The following SUCLG2 variants were observed in gnomAD, a reference collection of about 807,000 sequenced individuals.
SUCLG2 encodes the protein succinate-CoA ligase GDP-forming subunit beta.
SUCLG2 carries 42 observed loss-of-function variants against 47.9 expected under a neutral mutation model. The observed-to-expected ratio is 0.88, with a 90% CI of 0.69 to 1.14. The LOEUF is 1.14. SUCLG2 is among the 50% of genes most tolerant of loss of function. The pLI is 0.00. For missense variants in SUCLG2, 571 were observed against 525.9 expected, an observed-to-expected ratio of 1.09 and a Z score of -0.84; for synonymous variants, 195 against 197.3, an observed-to-expected ratio of 0.99 and a Z score of 0.10.
chr3:67,525,882 C>T (rs757590767), intron 4 of SUCLG2, among the ~76,000 whole-genome samples: 1 of 152,184 alleles, frequency 6.6e-6, no homozygotes, highest in Non-Finnish European at 1.5e-5. Flanking sequence ...TTACAAAGCA[C>T]ATATCCAACA....
At chr3:67,628,050 T>C (rs1298581063) in intron 1 of SUCLG2, among the ~76,000 whole-genome samples, 1 of 152,196 alleles carries the variant, frequency 6.6e-6, no homozygotes, top group Admixed American at 6.5e-5. Context: ...CAATTCTCTA[T>C]GTTAAATTTT....
At chr3:67,654,409 G>A in intron 1 of SUCLG2, 94 bp downstream of exon 1, 5 of 1,042,628 alleles carry the variant, frequency 4.8e-6, no homozygotes, top group Non-Finnish European at 4.9e-6. Context: ...GCCGCGCAGG[G>A]GGTCAGGCGG....
At chr3:67,535,958 T>A (rs1205427129) in intron 2 of SUCLG2, among the ~76,000 whole-genome samples, 1 of 152,208 alleles carries the variant, frequency 6.6e-6, no homozygotes, top group African/African-American at 2.4e-5. Context: ...AGCTATAACA[T>A]CTGACAGCAG....
At chr3:67,612,689 T>A (rs1420249954) in intron 1 of SUCLG2, among the ~76,000 whole-genome samples, 1 of 152,184 alleles carries the variant, frequency 6.6e-6, no homozygotes, top group Admixed American at 6.5e-5. Context: ...GGCACTTCCT[T>A]ACTTCAGCTG....
intron 1 of SUCLG2, among the ~76,000 whole-genome samples, chr3:67,618,803 C>A (rs1700677440): frequency 6.6e-6 from 1 of 152,094 alleles, no homozygotes. Context: ...CGATATGGTA[C>A]CTGAAAAGCC....
At chr3:67,563,973 AAAAAAGAAAAAAG>A (rs1272155285) in intron 2 of SUCLG2, among the ~76,000 whole-genome samples, 4 of 104,008 alleles carry the variant, frequency 3.8e-5, no homozygotes, top group African/African-American at 1.3e-4. Flanking sequence ...AAAAAAAAAA[AAAAAAGAAAAAAG>A]AAAAAGAAAA....
chr3:67,380,322 T>A (rs1054071571), intron 10 of SUCLG2, among the ~76,000 whole-genome samples: 2 of 152,020 alleles, frequency 1.3e-5, no homozygotes, highest in Non-Finnish European at 2.9e-5. Context: ...CAGCTTCAAG[T>A]GCCCCAGTCA....
rs370372030 is a variant in SUCLG2, at chr3:67,639,540, C to T, written c.84+14963G>A. On this transcript the variant is annotated intron_variant, in intron 1 of 10. Transcript: ENST00000307227. ...GCACTCTTACTCCCAAGAGCAGCCC[C>T]GGCAGGTCTTTGTCTTAAGATGCTG... 1.1e-4 allele frequency among the ~76,000 whole-genome samples: 17 copies of T among 150,246 alleles called. No individual in the cohort carries two copies. The South Asian group carries it at 2.3e-3, about 20-fold the overall frequency.
At chr3:67,405,536 A>C (rs1702784022) in intron 9 of SUCLG2, among the ~76,000 whole-genome samples, 1 of 152,170 alleles carries the variant, frequency 6.6e-6, no homozygotes. Flanking sequence ...ATAGTAGTTA[A>C]GTCCCATGGC....
chr3:67,464,368 T>G (rs1704418197), intron 9 of SUCLG2, among the ~76,000 whole-genome samples: 1 of 152,242 alleles, frequency 6.6e-6, no homozygotes. Context: ...GCATCCTTCC[T>G]GGGAATAGCG....
chr3:67,548,725 GA>G (rs765233294), intron 2 of SUCLG2, among the ~76,000 whole-genome samples: 2 of 152,126 alleles, frequency 1.3e-5, no homozygotes, highest in Non-Finnish European at 2.9e-5. Flanking sequence ...TAGGACAAAT[GA>G]GCGAAAATAT....
chr3:67,389,315 TGCAACA>T (rs1702327644), intron 10 of SUCLG2, among the ~76,000 whole-genome samples: 1 of 152,078 alleles, frequency 6.6e-6, no homozygotes, highest in Admixed American at 6.6e-5. Flanking sequence ...GAGATGAAGC[TGCAACA>T]CTGGAGAGAG....
rs562992631 is a variant in SUCLG2 at position 67,648,844 on chromosome 3, T to C, written c.84+5659A>G. ...CTCCCTTCTCTGTGCACCCTACTCA[T>C]TGACTGAGACCACAAATGCTTACTG... On this transcript the variant is annotated intron_variant, in intron 1 of 10. Transcript: ENST00000307227. Among the ~76,000 whole-genome samples the C allele has an allele frequency of 2.7e-3, 418 of 152,244 alleles. 2 individuals are homozygous for C. Among genetic ancestry groups the C allele is most frequent in the African/African-American group, 9.7e-3 (403 of 41,532 alleles).
At chr3:67,448,809 G>C (rs906340494) in intron 9 of SUCLG2, among the ~76,000 whole-genome samples, 1 of 152,060 alleles carries the variant, frequency 6.6e-6, no homozygotes, top group African/African-American at 2.4e-5. Context: ...CACTATTTCT[G>C]AATCAAGTGT....
At chr3:67,654,261 ACT>A (rs1701342031) in intron 1 of SUCLG2, among the ~76,000 whole-genome samples, 3 of 151,920 alleles carry the variant, frequency 2.0e-5, no homozygotes, top group Admixed American at 2.0e-4. Flanking sequence ...GACAGCGGAG[ACT>A]CTAGTGCGTT....
intron 1 of SUCLG2, among the ~76,000 whole-genome samples, chr3:67,627,114 A>G (rs1700846127): frequency 6.6e-6 from 1 of 152,044 alleles, no homozygotes. Flanking sequence ...TCATGGTCAA[A>G]TATCTGGGAA....
intron 2 of SUCLG2, among the ~76,000 whole-genome samples, chr3:67,589,241 A>G (rs895851781): frequency 2.6e-5 from 4 of 152,120 alleles, no homozygotes; most frequent in Non-Finnish European, 5.9e-5. Context: ...TTCCATCACT[A>G]TCTCACTACC....
chr3:67,389,181 A>G (rs891797124), intron 10 of SUCLG2, among the ~76,000 whole-genome samples: 2 of 152,132 alleles, frequency 1.3e-5, no homozygotes, highest in African/African-American at 4.8e-5. Flanking sequence ...GCAGAGAGAA[A>G]AGGAGATGAG....
intron 1 of SUCLG2, among the ~76,000 whole-genome samples, chr3:67,616,584 A>G (rs1700634136): frequency 6.6e-6 from 1 of 152,242 alleles, no homozygotes; most frequent in Non-Finnish European, 1.5e-5. Context: ...AAATAAATTC[A>G]TTTATTATTT....
Sources: allele counts gnomAD v4.1 joint callset (sites outside exome capture counted in the v4.1 genomes callset), GRCh38; gene constraint gnomAD v4.1.1; transcripts MANE v1.5; gene names NCBI Gene and HGNC (gene_info 2026-07-23, HGNC 2026-07-21).